Variants in GBF1 observed in about 807,000 individuals in gnomAD.
The protein encoded by GBF1 is golgi brefeldin A resistant guanine nucleotide exchange factor 1.
GBF1 carries 114 observed loss-of-function variants against 210.5 expected under a neutral mutation model. That is an observed-to-expected ratio of 0.54 (90% CI 0.47 to 0.63). The LOEUF (loss-of-function observed/expected upper bound fraction) is 0.63, where lower values mean the gene tolerates loss of function less well. Among genes scored for constraint, GBF1 ranks in the 30% least tolerant of loss-of-function variants. The probability of loss-of-function intolerance (pLI) is 0.00; values close to 1 mark genes in which losing one functional copy is unlikely to be tolerated. For synonymous variants in GBF1, 850 were observed against 889.2 expected (o/e 0.96, Z 0.78); for missense variants, 1,851 against 2,357.7 (o/e 0.79, Z 4.45).
chr10:102,303,986 T>C (rs965841296), intron 3 of GBF1, among the ~76,000 whole-genome samples: 2 of 150,866 alleles, frequency 1.3e-5, no homozygotes, highest in African/African-American at 4.9e-5. Flanking sequence ...GGGATTTTAA[T>C]CTAGTTTTTT....
In GBF1 at chr10:102,337,819, T is replaced by A. The variant is rs1220856663; in HGVS notation, c.164-6232T>A. ...TTGCAGTGAACCGAGATCACACCAC[T>A]GCACTCCAGCCTGGGTGACAGAGCA... On this transcript the variant is annotated intron_variant, in intron 3 of 39. Transcript: ENST00000369983. Among the ~76,000 whole-genome samples, 3 of 152,110 alleles carry A rather than the reference T, an allele frequency of 2.0e-5. No homozygotes were observed. In the East Asian group the frequency reaches 5.8e-4, roughly 29 times the overall value.
At chr10:102,286,690 A>C (rs148138310) in intron 3 of GBF1, among the ~76,000 whole-genome samples, 10 of 152,222 alleles carry the variant, frequency 6.6e-5, no homozygotes, top group Non-Finnish European at 1.3e-4. Context: ...AAATCCCTTC[A>C]TTTTTATTCA....
upstream of GBF1, among the ~76,000 whole-genome samples, chr10:102,245,355 CT>C (rs991984919): frequency 4.6e-5 from 7 of 152,190 alleles, no homozygotes; most frequent in African/African-American, 9.7e-5. Context: ...TGGTTGTCCC[CT>C]AACATACCCT....
At chr10:102,344,672 G>T (rs181476741) in intron 4 of GBF1, among the ~76,000 whole-genome samples, 2,233 of 152,114 alleles carry the variant, frequency 0.015, 26 homozygotes, top group Middle Eastern at 0.027. Context: ...AGTAAAGACG[G>T]GGTTTCACCA....
chr10:102,360,561 C>G (rs1207424250), intron 12 of GBF1, among the ~76,000 whole-genome samples, 166 bp downstream of exon 12: 1 of 152,188 alleles, frequency 6.6e-6, no homozygotes, highest in African/African-American at 2.4e-5. Flanking sequence ...GGGACTCTGG[C>G]AGCCAGAGAG....
chr10:102,374,221 G>A (rs1459953927), intron 29 of GBF1, among the ~76,000 whole-genome samples: 4 of 152,000 alleles, frequency 2.6e-5, no homozygotes, highest in African/African-American at 4.8e-5. Context: ...GTGGTGGCTC[G>A]CACCTGTAAT....
chr10:102,362,390 G>A (rs2059668739), intron 14 of GBF1, 85 bp from the exon 15 acceptor site: 2 of 994,572 alleles, frequency 2.0e-6, no homozygotes, highest in Middle Eastern at 2.2e-4. Context: ...GTACAAGTTA[G>A]AAGAAGTTTT....
At position 102,381,226 on chromosome 10, in the gene GBF1, C is replaced by T. The variant is rs771513740; in HGVS notation, c.5273C>T (p.Pro1758Leu). 1.9e-6 allele frequency: 3 copies of T among 1,613,954 alleles called. No homozygotes were observed. The highest frequency in any genetic ancestry group is 2.2e-5 in the South Asian group (2 of 91,078). The change falls in exon 39 of 40, where the codon CCA becomes CTA. Residue 1758 changes from proline (P) to leucine (L), a missense_variant. Physicochemically the swap from Pro to Leu is moderately conservative, Grantham distance 98. Coordinates refer to ENST00000369983, the MANE Select transcript of GBF1 (RefSeq NM_001377137.1). ...AGGACACCTGGCCATCCACCGCCCCCAGAGATTCCATCTGAGCTGGGGGCC... is the reference window on the plus strand; with the variant it reads ...AGGACACCTGGCCATCCACCGCCCCTAGAGATTCCATCTGAGCTGGGGGCC... ...DTRTPGHPPP[P>L]EIPSELGACD...
chr10:102,375,782 C>T (rs980606302), intron 30 of GBF1, among the ~76,000 whole-genome samples, 198 bp downstream of exon 30: 2 of 152,000 alleles, frequency 1.3e-5, no homozygotes, highest in African/African-American at 4.8e-5. Flanking sequence ...GCAATGCAGA[C>T]GGCTGTGAAG....
intron 10 of GBF1, 51 bp from the exon 11 acceptor site, chr10:102,359,216 A>G (rs2059454991): frequency 3.0e-6 from 4 of 1,312,280 alleles, no homozygotes; most frequent in Non-Finnish European, 3.3e-6. Flanking sequence ...GTAAGTTCCA[A>G]GTTGCTCTTG....
intron 1 of GBF1, among the ~76,000 whole-genome samples, chr10:102,247,072 G>A (rs1281376657): frequency 6.6e-6 from 1 of 152,192 alleles, no homozygotes; most frequent in African/African-American, 2.4e-5. Flanking sequence ...AGGACTTGTG[G>A]CCTGCTTTTG....
intron 3 of GBF1, among the ~76,000 whole-genome samples, chr10:102,335,396 T>C (rs376655961): frequency 1.4e-4 from 21 of 152,262 alleles, no homozygotes; most frequent in African/African-American, 4.1e-4. Context: ...AGATGTCTCC[T>C]TGGTTGTGAA....
Position 102,363,651 on chromosome 10 carries a change from C to T in GBF1, c.2018-59C>T, listed in dbSNP as rs919082240. On this transcript the variant is annotated intron_variant, in intron 16 of 39. Coordinates refer to ENST00000369983, the MANE Select transcript of GBF1 (RefSeq NM_001377137.1). The surrounding 1 kb of genome is among the most constrained non-coding windows in gnomAD (Gnocchi z 4.2). ...AGTATATTGGTGACCTTCCAAAAGT[C>T]CTTATCTGGGTAAAAAAAGGTGTTA... The T allele has an allele frequency of 3.5e-6, 4 of 1,150,138 alleles. No individual in the cohort carries two copies. Among genetic ancestry groups the T allele is most frequent in the Non-Finnish European group, 5.3e-6 (4 of 758,904 alleles). The allele number at this position is 1,150,138 out of a possible 1,614,324, so 71.2% of individuals were successfully genotyped here. A position where few individuals can be genotyped will look rare whatever the true frequency, so the allele number is the denominator to read the frequency against.
intron 3 of GBF1, among the ~76,000 whole-genome samples, chr10:102,303,771 A>G (rs2077607382): frequency 6.6e-6 from 1 of 152,224 alleles, no homozygotes; most frequent in African/African-American, 2.4e-5. Flanking sequence ...TTGTTTTATG[A>G]TAAATCTCAA....
intron 3 of GBF1, among the ~76,000 whole-genome samples, chr10:102,276,287 G>A (rs1053584089): frequency 2.0e-5 from 3 of 151,550 alleles, no homozygotes; most frequent in African/African-American, 7.3e-5. Flanking sequence ...AGCACTTTGG[G>A]AGGCCGAGGC....
intron 3 of GBF1, among the ~76,000 whole-genome samples, chr10:102,277,198 C>T (rs2133388462): frequency 6.6e-6 from 1 of 152,152 alleles, no homozygotes; most frequent in East Asian, 1.9e-4. Flanking sequence ...TGGCATGTGC[C>T]TGCTGTTCCA....
chr10:102,284,379 C>G (rs2075766329), intron 3 of GBF1, among the ~76,000 whole-genome samples: 1 of 152,106 alleles, frequency 6.6e-6, no homozygotes, highest in Non-Finnish European at 1.5e-5. Flanking sequence ...TTCATCGCCC[C>G]AAAAGGAAAT....
chr10:102,233,478 A>G, the GBF1 span, among the ~76,000 whole-genome samples: 169 of 150,898 alleles, frequency 1.1e-3, 1 homozygote, highest in African/African-American at 4.0e-3. Context: ...TAATTTTTGT[A>G]TTTTTAGTAG....
chr10:102,348,850 G>T (rs1376059330), intron 4 of GBF1, among the ~76,000 whole-genome samples: 2 of 152,170 alleles, frequency 1.3e-5, no homozygotes, highest in Admixed American at 1.3e-4. Flanking sequence ...GCTTATCATT[G>T]CAAGAGAAAT....
Sources: gnomAD v4.1 joint callset for allele counts (sites outside exome capture counted in the v4.1 genomes callset) on GRCh38, gnomAD v4.1.1 for gene constraint, Gnocchi (gnomAD v3.1) non-coding constraint, MANE v1.5 for transcripts, NCBI Gene and HGNC (gene_info 2026-07-23, HGNC 2026-07-21) for gene names.